LRRC8B: variants seen among roughly 807,000 people sequenced by gnomAD.
LRRC8B encodes leucine rich repeat containing 8 VRAC subunit B.
A neutral mutation model predicts 58.8 loss-of-function variants in LRRC8B; 23 were observed. The ratio of observed to expected loss-of-function variants is 0.39; its 90% confidence interval spans 0.28 to 0.55. The LOEUF (loss-of-function observed/expected upper bound fraction) is 0.55. LRRC8B is among the 20% of genes least tolerant of loss of function. The probability of loss-of-function intolerance (pLI) is 0.62; values close to 1 mark genes in which losing one functional copy is unlikely to be tolerated. For synonymous variants in LRRC8B, 359 were observed against 374.1 expected (o/e 0.96, Z 0.47); for missense variants, 694 against 936.0 (o/e 0.74, Z 3.37).
chr1:89,555,628 A>G (rs1202915296), intron 1 of LRRC8B, among the ~76,000 whole-genome samples: 1 of 152,232 alleles, frequency 6.6e-6, no homozygotes, highest in Non-Finnish European at 1.5e-5. Context: ...GGGATAGAGA[A>G]CTACAGGAGC....
chr1:89,547,893 A>C (rs1651527612), intron 1 of LRRC8B, among the ~76,000 whole-genome samples: 1 of 152,196 alleles, frequency 6.6e-6, no homozygotes. Flanking sequence ...AAATGAATCA[A>C]GTAATTGCTC....
chr1:89,590,541 T>C (rs1460863377), intron 5 of LRRC8B, among the ~76,000 whole-genome samples: 2 of 152,202 alleles, frequency 1.3e-5, no homozygotes, highest in Non-Finnish European at 1.5e-5. Context: ...TGAGGCCCAC[T>C]CCCACTACCT....
At chr1:89,530,232 G>A (rs1315836855) in intron 1 of LRRC8B, among the ~76,000 whole-genome samples, 3 of 151,528 alleles carry the variant, frequency 2.0e-5, no homozygotes, top group African/African-American at 7.3e-5. Context: ...AGTGGTGGGC[G>A]CCTATAGTCC....
chr1:89,549,823 T>G (rs966851226), intron 1 of LRRC8B: 7 of 152,106 alleles, frequency 4.6e-5, no homozygotes, highest in African/African-American at 1.7e-4. Flanking sequence ...CTTTTAAAAT[T>G]TTACCAAGTG....
chr1:89,536,200 A>G (rs565743960), intron 1 of LRRC8B, among the ~76,000 whole-genome samples: 1 of 152,336 alleles, frequency 6.6e-6, no homozygotes, highest in African/African-American at 2.4e-5. Context: ...GATGACCTGC[A>G]GTAGAGGGGA....
At chr1:89,575,930 T>C (rs1036178503) in intron 3 of LRRC8B, among the ~76,000 whole-genome samples, 6 of 152,182 alleles carry the variant, frequency 3.9e-5, no homozygotes, top group Non-Finnish European at 8.8e-5. Flanking sequence ...TATTATAAAG[T>C]ATTGAGTTTA....
At chr1:89,543,407 C>G (rs1651163720) in intron 1 of LRRC8B, among the ~76,000 whole-genome samples, 1 of 152,058 alleles carries the variant, frequency 6.6e-6, no homozygotes. Context: ...ATGAAGGTAA[C>G]AAACGCCAGT....
At chr1:89,534,631 C>G (rs1181699505) in intron 1 of LRRC8B, among the ~76,000 whole-genome samples, 1 of 152,116 alleles carries the variant, frequency 6.6e-6, no homozygotes, top group African/African-American at 2.4e-5. Flanking sequence ...TGATTTTTCA[C>G]TAGTACACGA....
chr1:89,570,048 A>G (rs897254835), intron 3 of LRRC8B, among the ~76,000 whole-genome samples: 2 of 152,202 alleles, frequency 1.3e-5, no homozygotes, highest in East Asian at 1.9e-4. Flanking sequence ...AAAGGACATG[A>G]TACCATTCTT....
At chr1:89,577,230 C>T (rs1295020868) in intron 3 of LRRC8B, among the ~76,000 whole-genome samples, 4 of 152,110 alleles carry the variant, frequency 2.6e-5, no homozygotes, top group Non-Finnish European at 4.4e-5. Flanking sequence ...ATCTGATCAT[C>T]ATTTGTTTAT....
At chr1:89,550,790 C>A (rs1651743581) in intron 1 of LRRC8B, among the ~76,000 whole-genome samples, 2 of 152,136 alleles carry the variant, frequency 1.3e-5, no homozygotes, top group South Asian at 2.1e-4. Flanking sequence ...CTCACTGATA[C>A]TACCATGGTC....
intron 5 of LRRC8B, among the ~76,000 whole-genome samples, chr1:89,589,682 A>G (rs565178710): frequency 6.6e-6 from 1 of 152,042 alleles, no homozygotes; most frequent in South Asian, 2.1e-4. Context: ...ACTACTTAGA[A>G]ACAGAAATAT....
chr1:89,554,345 G>C (rs534917381), intron 1 of LRRC8B, among the ~76,000 whole-genome samples: 8 of 151,926 alleles, frequency 5.3e-5, no homozygotes, highest in Non-Finnish European at 1.0e-4. Flanking sequence ...TAAATCTTAC[G>C]CATCTTTCTT....
chr1:89,534,169 C>T (rs1437710388), intron 1 of LRRC8B, among the ~76,000 whole-genome samples: 1 of 152,060 alleles, frequency 6.6e-6, no homozygotes, highest in Non-Finnish European at 1.5e-5. Flanking sequence ...TCCTCTAAAA[C>T]GATTTTGAAA....
chr1:89,551,886 T>C (rs1651845622), intron 1 of LRRC8B, among the ~76,000 whole-genome samples: 1 of 152,232 alleles, frequency 6.6e-6, no homozygotes, highest in Non-Finnish European at 1.5e-5. Flanking sequence ...CATAGTAGGC[T>C]CTCAAGTGTT....
At chr1:89,562,724 G>A (rs1182352365) in intron 1 of LRRC8B, among the ~76,000 whole-genome samples, 1 of 152,110 alleles carries the variant, frequency 6.6e-6, no homozygotes, top group East Asian at 1.9e-4. Flanking sequence ...CCCATCTTGA[G>A]CTCCTAAAGT....
intron 3 of LRRC8B, among the ~76,000 whole-genome samples, chr1:89,571,199 T>C (rs1000495194): frequency 5.3e-5 from 8 of 152,216 alleles, no homozygotes; most frequent in African/African-American, 1.9e-4. Context: ...TGCAGGTTCT[T>C]TTTTTGGTTC....
At position 89,583,208 on chromosome 1, in the gene LRRC8B, C is replaced by T. The variant is rs1426798547; in HGVS notation, c.558C>T (p.Ser186=). The change falls in exon 5 of 6, where the codon TCC becomes TCT. Residue 186 remains serine (S), a synonymous_variant. Coordinates refer to ENST00000330947, the MANE Select transcript of LRRC8B (RefSeq NM_001369817.2). This position sits in a 1 kb window ranked among gnomAD's most constrained non-coding sequence, Gnocchi z 5.2. ...TGAGGCCTCTGAAACTCTCCAAGTC[C>T]AAGATTTTGCTTTCGTCCTCAGGGT... ...QSVRPLKLSK[S]KILLSSSGCS... The T allele has an allele frequency of 6.2e-7, 1 of 1,614,136 alleles. No individual in the cohort carries two copies. Among genetic ancestry groups the T allele is most frequent in the Admixed American group, 1.7e-5 (1 of 60,010 alleles).
chr1:89,550,998 C>T (rs371365739), intron 1 of LRRC8B, among the ~76,000 whole-genome samples: 3 of 152,270 alleles, frequency 2.0e-5, no homozygotes, highest in East Asian at 3.9e-4. Context: ...GCCATACTCT[C>T]ATATTCTGGA....
Sources: allele counts gnomAD v4.1 joint callset (sites outside exome capture counted in the v4.1 genomes callset), GRCh38; gene constraint gnomAD v4.1.1; non-coding constraint Gnocchi (gnomAD v3.1); transcripts MANE v1.5; gene names NCBI Gene and HGNC (gene_info 2026-07-23, HGNC 2026-07-21).